EYA4: variants seen among roughly 807,000 people sequenced by gnomAD.
EYA4 encodes EYA transcriptional coactivator and phosphatase 4.
EYA4 carries 31 observed loss-of-function variants against 87.9 expected under a neutral mutation model. The observed-to-expected ratio is 0.35, with a 90% CI of 0.27 to 0.48. The LOEUF is 0.48. EYA4 is among the 20% of genes least tolerant of loss of function. EYA4 has a pLI of 0.99. For missense variants in EYA4, 678 were observed against 761.4 expected (o/e 0.89, Z 1.29); for synonymous variants, 263 against 270.6 (o/e 0.97, Z 0.28).
chr6:133,259,087 G>A lies in EYA4; in HGVS notation c.-65-15629G>A, dbSNP rs533117100. On this transcript the variant is annotated intron_variant, in intron 1 of 19. Coordinates refer to ENST00000355286, the MANE Select transcript of EYA4 (RefSeq NM_004100.5). ...AATTGAGTGATTTAAAAATAATGAT[G>A]CACTATGACCTAGTTTATATCTGCC... Among the ~76,000 whole-genome samples, 12 of 152,236 alleles carry A rather than the reference G, an allele frequency of 7.9e-5. No individual in the cohort carries two copies. In the South Asian group the frequency reaches 2.5e-3, roughly 32 times the overall value.
intron 2 of EYA4, among the ~76,000 whole-genome samples, chr6:133,372,227 T>C (rs1295796384): frequency 6.6e-6 from 1 of 152,102 alleles, no homozygotes; most frequent in Non-Finnish European, 1.5e-5. Context: ...CTTGTATGTG[T>C]GAAATGTTTC....
chr6:133,253,183 G>A lies in EYA4; in HGVS notation c.-66+11434G>A, dbSNP rs151189902. 1.2e-3 allele frequency among the ~76,000 whole-genome samples: 178 copies of A among 152,224 alleles called. 2 individuals are homozygous for A. Among genetic ancestry groups the A allele is most frequent in the African/African-American group, 4.1e-3 (170 of 41,530 alleles). Reference sequence around the variant, plus strand: ...GTGCTGGGCAACCCAATGACAGGTGGAGGCCGTTCTCGGGGAGTGTTGCGG... The same window carrying A: ...GTGCTGGGCAACCCAATGACAGGTGAAGGCCGTTCTCGGGGAGTGTTGCGG... On this transcript the variant is annotated intron_variant, in intron 1 of 19. Coordinates refer to ENST00000355286, the MANE Select transcript of EYA4 (RefSeq NM_004100.5).
intron 13 of EYA4, among the ~76,000 whole-genome samples, chr6:133,504,617 T>C (rs1798433722): frequency 6.6e-6 from 1 of 152,230 alleles, no homozygotes; most frequent in Non-Finnish European, 1.5e-5. Flanking sequence ...CAGGTTTTCA[T>C]GGCTATAGAA....
At chr6:133,381,076 T>C (rs1176631506) in intron 2 of EYA4, among the ~76,000 whole-genome samples, 6 of 16,220 alleles carry the variant, frequency 3.7e-4, no homozygotes, top group Non-Finnish European at 6.8e-4. Flanking sequence ...TTTTTTTTTC[T>C]TTTTTTTTTT....
chr6:133,367,273 A>C (rs1784923326), intron 2 of EYA4, among the ~76,000 whole-genome samples: 1 of 152,198 alleles, frequency 6.6e-6, no homozygotes, highest in South Asian at 2.1e-4. Context: ...TGCTGAGAAG[A>C]GTAGAAGACA....
chr6:133,357,045 G>A (rs1309231840), intron 2 of EYA4, among the ~76,000 whole-genome samples: 2 of 151,794 alleles, frequency 1.3e-5, no homozygotes, highest in Admixed American at 6.6e-5. Context: ...GCCGAGGCGG[G>A]CGGATCACGA....
At chr6:133,274,960 A>C (rs1777043561) in intron 2 of EYA4, 147 bp downstream of exon 2, 1 of 665,416 alleles carries the variant, frequency 1.5e-6, no homozygotes, top group Non-Finnish European at 2.6e-6. Flanking sequence ...ACCATGAAAC[A>C]GACCTTTGGA....
At chr6:133,524,899 C>A in intron 18 of EYA4, 1 of 879,356 alleles carries the variant, frequency 1.1e-6, no homozygotes, top group South Asian at 1.3e-5. Flanking sequence ...ATTTCATAAA[C>A]CCAGAGGTTG....
chr6:133,293,925 C>G (rs1778697978), intron 2 of EYA4, among the ~76,000 whole-genome samples: 1 of 149,122 alleles, frequency 6.7e-6, no homozygotes, highest in Non-Finnish European at 1.5e-5. Context: ...GCACTCCATC[C>G]TCGGAGACAG....
rs929645375 is a variant in EYA4 at position 133,277,104 on chromosome 6, T to A, written c.33+2291T>A. Among the ~76,000 whole-genome samples, 17 of 152,298 alleles carry A rather than the reference T, an allele frequency of 1.1e-4. 1 individual carries two copies. In the South Asian group the frequency reaches 2.1e-3, roughly 19 times the overall value. On this transcript the variant is annotated intron_variant, in intron 2 of 19. Transcript: ENST00000355286. The stretch of plus-strand genomic sequence containing the variant: ...AAGTTCATAGTTAGATGAAAGTGAA[T>A]TTACTCATATCATTGCTATTTTAGT...
chr6:133,285,709 A>G (rs1257964179), intron 2 of EYA4, among the ~76,000 whole-genome samples: 3 of 152,256 alleles, frequency 2.0e-5, no homozygotes, highest in Admixed American at 2.0e-4. Flanking sequence ...TTAACTATCC[A>G]GATGAAAAAT....
At chr6:133,498,052 A>G (rs1264261327) in intron 13 of EYA4, among the ~76,000 whole-genome samples, 1 of 152,244 alleles carries the variant, frequency 6.6e-6, no homozygotes, top group Admixed American at 6.5e-5. Context: ...TTGTGCAGAA[A>G]AATACTTCTA....
chr6:133,412,844 T>C (rs1236050293), intron 3 of EYA4, among the ~76,000 whole-genome samples: 3 of 152,166 alleles, frequency 2.0e-5, no homozygotes, highest in Admixed American at 1.3e-4. Context: ...TGCTGTCCTC[T>C]TCATCGGACT....
At chr6:133,491,951 C>CAAAA (rs34316449) in intron 13 of EYA4, among the ~76,000 whole-genome samples, 22 of 83,438 alleles carry the variant, frequency 2.6e-4, no homozygotes, top group South Asian at 5.0e-4. Flanking sequence ...AACTCCGTCT[C>CAAAA]AAAAAAAAAA....
At chr6:133,429,686 TAGTC>T (rs1791009178) in intron 3 of EYA4, among the ~76,000 whole-genome samples, 1 of 152,210 alleles carries the variant, frequency 6.6e-6, no homozygotes, top group Admixed American at 6.5e-5. Context: ...GTTTCAAAGT[TAGTC>T]AGTGATTTCT....
intron 1 of EYA4, among the ~76,000 whole-genome samples, chr6:133,252,686 A>G (rs1299236297): frequency 6.6e-6 from 1 of 152,194 alleles, no homozygotes; most frequent in East Asian, 1.9e-4. Flanking sequence ...GAATTTCAAA[A>G]TTATTCTGAA....
rs189470970 is a variant in EYA4 at position 133,504,912 on chromosome 6, C to T, written c.1192-1194C>T. On this transcript the variant is annotated intron_variant, in intron 13 of 19. Coordinates refer to ENST00000355286, the MANE Select transcript of EYA4 (RefSeq NM_004100.5). ...GAACGTTGAAAACACAATTTCGGCT[C>T]TCTCTTCTCAAATCCCTGCAGTCTG... Among the ~76,000 whole-genome samples, 150 of 152,216 alleles carry T rather than the reference C, an allele frequency of 9.9e-4. 1 individual carries two copies. Among genetic ancestry groups the T allele is most frequent in the Non-Finnish European group, 1.8e-3 (125 of 68,024 alleles).
chr6:133,254,309 T>A (rs185758030), intron 1 of EYA4, among the ~76,000 whole-genome samples: 63 of 152,306 alleles, frequency 4.1e-4, no homozygotes, highest in African/African-American at 1.4e-3. Context: ...GAATTATAGA[T>A]TTCATTTGAG....
chr6:133,335,626 A>G (rs549962515), intron 2 of EYA4, among the ~76,000 whole-genome samples: 4 of 152,198 alleles, frequency 2.6e-5, no homozygotes, highest in Admixed American at 6.5e-5. Context: ...ATTGAAGACT[A>G]AAACTAATAA....
Sources: gnomAD v4.1 joint callset for allele counts (sites outside exome capture counted in the v4.1 genomes callset) on GRCh38, gnomAD v4.1.1 for gene constraint, MANE v1.5 for transcripts, NCBI Gene and HGNC (gene_info 2026-07-23, HGNC 2026-07-21) for gene names.